EEF2KMT: variants seen among roughly 807,000 people sequenced by gnomAD.
The protein encoded by EEF2KMT is eukaryotic elongation factor 2 lysine methyltransferase, also known as protein-lysine N-methyltransferase EEF2KMT.
Under a neutral mutation model 35.1 loss-of-function variants are expected in EEF2KMT, and 30 were observed. That is an observed-to-expected ratio of 0.85 (90% CI 0.64 to 1.16). The LOEUF (loss-of-function observed/expected upper bound fraction) is 1.16, where lower values mean the gene tolerates loss of function less well. Ranked by LOEUF, EEF2KMT falls within the 50% of genes most tolerant of loss-of-function variation. The probability of loss-of-function intolerance (pLI) is 0.00; values close to 1 mark genes in which losing one functional copy is unlikely to be tolerated. For synonymous variants in EEF2KMT, 190 were observed against 187.7 expected, an observed-to-expected ratio of 1.01 and a Z score of -0.10; for missense variants, 499 against 438.2, an observed-to-expected ratio of 1.14 and a Z score of -1.24.
Position 5,091,892 on chromosome 16 carries a change from C to G in EEF2KMT, c.244G>C (p.Glu82Gln). The change falls in exon 4 of 8, where the codon GAG (glutamate) becomes CAG (glutamine). Residue 82 changes from glutamate (E) to glutamine (Q), a missense_variant. Coordinates refer to ENST00000427587, the MANE Select transcript of EEF2KMT (RefSeq NM_201400.4). ...TCCAAAGGCTCTGTGTGGACAGCCT[C>G]GTGCTGGGGGCAGACAGAGTGAGAG... is the stretch of plus-strand genomic sequence containing the variant. ...CFLSELIKKH[E>Q]AVHTEPLDEL... 1 of 1,611,810 alleles carries G rather than the reference C, an allele frequency of 6.2e-7. No individual in the cohort carries two copies. Among genetic ancestry groups the G allele is most frequent in the Non-Finnish European group, 8.5e-7 (1 of 1,179,718 alleles).
In EEF2KMT at chr16:5,090,088, T is replaced by C. The variant is rs763672650; in HGVS notation, c.738A>G (p.Ala246=). ...GTGCCCGGGGCTGGGCATTACCTGC[T>C]GCAATGACAACATCTGGCTGGAAGG... ...LSAFQPDVVI[A]ADVLYCPEAI... Residue 246 remains alanine (A), a synonymous_variant, in exon 6 of 8, where the codon GCA becomes GCG. Coordinates refer to ENST00000427587, the MANE Select transcript of EEF2KMT (RefSeq NM_201400.4). The surrounding 1 kb of genome is among the most constrained non-coding windows in gnomAD (Gnocchi z 4.1). 5 of 1,604,758 alleles carry C rather than the reference T, an allele frequency of 3.1e-6. No individual in the cohort carries two copies. The African/African-American group carries it at 6.7e-5, about 21-fold the overall frequency.
In EEF2KMT at chr16:5,090,712, A is replaced by C; in HGVS notation, c.343-147T>G. On this transcript the variant is annotated intron_variant, in intron 4 of 7. Coordinates refer to ENST00000427587, the MANE Select transcript of EEF2KMT (RefSeq NM_201400.4). The surrounding 1 kb of genome is among the most constrained non-coding windows in gnomAD (Gnocchi z 4.1). Reference sequence around the variant, plus strand: ...GAAGCAGCTAACTGTTGGCATGCCAACAGCTTTCACGGGCCTCAAGGGTGT... The same window carrying C: ...GAAGCAGCTAACTGTTGGCATGCCACCAGCTTTCACGGGCCTCAAGGGTGT... The C allele has an allele frequency of 2.7e-6, 3 of 1,117,630 alleles. No homozygotes were observed. The highest frequency in any genetic ancestry group is 3.8e-6 in the Non-Finnish European group (3 of 780,084). 69.2% of individuals were successfully genotyped at this position (1,117,630 alleles called of 1,614,324 possible). A position where few individuals can be genotyped will look rare whatever the true frequency, so the allele number is the denominator to read the frequency against.
intron 1 of EEF2KMT, among the ~76,000 whole-genome samples, chr16:5,095,887 C>T (rs1348516795): frequency 6.9e-6 from 1 of 144,320 alleles, no homozygotes; most frequent in Non-Finnish European, 1.5e-5. Context: ...ACATTATCCT[C>T]TTACAGGGGC....
intron 3 of EEF2KMT, 140 bp from the exon 4 acceptor site, chr16:5,092,035 C>T (rs1384050027): frequency 1.1e-5 from 16 of 1,487,586 alleles, no homozygotes; most frequent in Admixed American, 6.5e-5. Flanking sequence ...ATATTCACTT[C>T]GTTGGGCTTG....
chr16:5,084,857 G>T lies in EEF2KMT; in HGVS notation c.*775C>A. 6.3e-7 allele frequency: 1 copy of T among 1,596,396 alleles called. No individual in the cohort carries two copies. Among genetic ancestry groups the T allele is most frequent in the Non-Finnish European group, 8.5e-7 (1 of 1,179,768 alleles). ...GGGATGAGAGCTGGGTGCAGACTGT[G>T]CTCCCTTTGGTTATGGACACATAAC... On this transcript the variant is annotated 3_prime_UTR_variant, in exon 8 of 8. Transcript: ENST00000427587.
chr16:5,093,781 C>T (rs913134927), intron 2 of EEF2KMT, among the ~76,000 whole-genome samples: 6 of 152,246 alleles, frequency 3.9e-5, no homozygotes, highest in East Asian at 3.9e-4. Flanking sequence ...GCTATGGCAG[C>T]ATTTCTAACG....
chr16:5,093,095 CAG>C (rs890858164), intron 3 of EEF2KMT, among the ~76,000 whole-genome samples: 1 of 152,256 alleles, frequency 6.6e-6, no homozygotes, highest in Non-Finnish European at 1.5e-5. Context: ...AATCTTCCAA[CAG>C]GGGCCTGTGG....
rs537815117 is a variant in EEF2KMT at position 5,090,731 on chromosome 16, A to C, written c.343-166T>G. On this transcript the variant is annotated intron_variant, in intron 4 of 7. Transcript: ENST00000427587. The surrounding 1 kb of genome is among the most constrained non-coding windows in gnomAD (Gnocchi z 4.1). ...ATGCCAACAGCTTTCACGGGCCTCA[A>C]GGGTGTCACGCGGTGTGAAAGACAC... Among the ~76,000 whole-genome samples, 3 of 152,210 alleles carry C rather than the reference A, an allele frequency of 2.0e-5. No individual in the cohort carries two copies. Among genetic ancestry groups the C allele is most frequent in the Admixed American group, 6.5e-5 (1 of 15,284 alleles).
At chr16:5,095,405 G>C (rs771801692) in intron 2 of EEF2KMT, 47 bp downstream of exon 2, 1 of 1,610,294 alleles carries the variant, frequency 6.2e-7, no homozygotes, top group Non-Finnish European at 8.5e-7. Context: ...CTTCTGGAGA[G>C]ATTCAGGAGG....
At position 5,090,279 on chromosome 16, in the gene EEF2KMT, C is replaced by T. The variant is rs759994379; in HGVS notation, c.547G>A (p.Ala183Thr). ...LAICKMCRPR[A>T]YIFSDCHSRV... ...CTGTGACAGTCGCTGAAGATGTATGCCCGGGGGCGGCACATCTTGCAGATG... is the reference window on the plus strand; with the variant it reads ...CTGTGACAGTCGCTGAAGATGTATGTCCGGGGGCGGCACATCTTGCAGATG... Residue 183 changes from alanine (A) to threonine (T), a missense_variant, in exon 6 of 8, where the codon GCA (alanine) becomes ACA (threonine). Physicochemically the swap from Ala to Thr is moderately conservative, Grantham distance 58. Transcript: ENST00000427587. The surrounding 1 kb of genome is among the most constrained non-coding windows in gnomAD (Gnocchi z 4.1). 5 of 1,611,938 alleles carry T rather than the reference C, an allele frequency of 3.1e-6. No individual in the cohort carries two copies. The Admixed American group carries it at 8.3e-5, about 27-fold the overall frequency.
intron 7 of EEF2KMT, chr16:5,087,237 A>G (rs2142747494): frequency 6.6e-6 from 1 of 152,332 alleles, no homozygotes; most frequent in Middle Eastern, 3.4e-3. Context: ...ATCACAAAAA[A>G]ACCTCGTACT....
intron 2 of EEF2KMT, among the ~76,000 whole-genome samples, chr16:5,094,037 T>C (rs1297183202): frequency 6.6e-6 from 1 of 152,146 alleles, no homozygotes; most frequent in Non-Finnish European, 1.5e-5. Flanking sequence ...ATGAGCAAGT[T>C]CTAGGCAGTG....
In EEF2KMT at chr16:5,090,816, C is replaced by T. The variant is rs749966278; in HGVS notation, c.343-251G>A. Among the ~76,000 whole-genome samples the T allele has an allele frequency of 1.3e-4, 20 of 152,028 alleles. No homozygotes were observed. The highest frequency in any genetic ancestry group is 2.1e-4 in the South Asian group (1 of 4,810). On this transcript the variant is annotated intron_variant, in intron 4 of 7. Transcript: ENST00000427587. This position sits in a 1 kb window ranked among gnomAD's most constrained non-coding sequence, Gnocchi z 4.1. ...CCTTCCTGAGACAACGGAATTCTGGCGATGGAACACATGTCAGTGGTGGCC... is the reference window on the plus strand; with the variant it reads ...CCTTCCTGAGACAACGGAATTCTGGTGATGGAACACATGTCAGTGGTGGCC...
rs376340159 is a variant in EEF2KMT at position 5,089,066 on chromosome 16, G to A, written c.892+41C>T. The A allele has an allele frequency of 2.7e-5, 44 of 1,610,746 alleles. No homozygotes were observed. The South Asian group carries it at 4.6e-4, about 17-fold the overall frequency. On this transcript the variant is annotated intron_variant, in intron 7 of 7. Transcript: ENST00000427587. ...CTTCCACTGGCGTCCTGCAGGGACAGCTCAGGGACCATGCAGGCCCGGGTG... is the reference window on the plus strand; with the variant it reads ...CTTCCACTGGCGTCCTGCAGGGACAACTCAGGGACCATGCAGGCCCGGGTG...
At chr16:5,089,035 C>T (rs770110507) in intron 7 of EEF2KMT, 72 bp downstream of exon 7, 1 of 1,606,280 alleles carries the variant, frequency 6.2e-7, no homozygotes, top group African/African-American at 1.3e-5. Context: ...GCACCCAGTT[C>T]TTTCACTTCC....
At position 5,093,513 on chromosome 16, in the gene EEF2KMT, G is replaced by C. The variant is rs537216471; in HGVS notation, c.211C>G (p.Arg71Gly). The change falls in exon 3 of 8, where the codon CGG (arginine) becomes GGG (glycine). Residue 71 changes from arginine to glycine, a missense_variant. Physicochemically the swap from Arg to Gly is moderately radical, Grantham distance 125. Coordinates refer to ENST00000427587, the MANE Select transcript of EEF2KMT (RefSeq NM_201400.4). Reference protein sequence around the residue: ...VKHPPSVKYARCFLSELIKKH... With the variant: ...VKHPPSVKYAGCFLSELIKKH... ...TTGATGAGTTCTGAGAGAAAGCACCGGGCATATTTGACGGACGGCGGGTGC... is the reference window on the plus strand; with the variant it reads ...TTGATGAGTTCTGAGAGAAAGCACCCGGCATATTTGACGGACGGCGGGTGC... 4 of 1,610,758 alleles carry C rather than the reference G, an allele frequency of 2.5e-6. No homozygotes were observed. The East Asian group carries it at 8.9e-5, about 36-fold the overall frequency.
chr16:5,085,657 A>C lies in EEF2KMT; in HGVS notation c.968T>G (p.Met323Arg). 6.2e-7 allele frequency: 1 copy of C among 1,611,438 alleles called. No homozygotes were observed. The highest frequency in any genetic ancestry group is 8.5e-7 in the Non-Finnish European group (1 of 1,179,362). ...KLFPYEEHLE[M>R]AMLNLTL The stretch of plus-strand genomic sequence containing the variant: ...CTACAGGGTGAGATTCAGCATTGCC[A>C]TCTCCAAGTGCTCTTCGTAGGGAAA... The change falls in exon 8 of 8, where the codon ATG becomes AGG. Residue 323 changes from methionine to arginine, a missense_variant. Met to Arg is a moderately conservative substitution (Grantham distance 91). Coordinates refer to ENST00000427587, the MANE Select transcript of EEF2KMT (RefSeq NM_201400.4).
chr16:5,089,095 G>A lies in EEF2KMT; in HGVS notation c.892+12C>T, dbSNP rs1184076083. ...AGGGACCATGCAGGCCCGGGTGGGC[G>A]TGGAGGCTCACCTAGCTCGGTGGTG... is the stretch of plus-strand genomic sequence containing the variant. On this transcript the variant is annotated intron_variant, in intron 7 of 7. Transcript: ENST00000427587. The A allele has an allele frequency of 1.7e-5, 27 of 1,612,324 alleles. No homozygotes were observed. The highest frequency in any genetic ancestry group is 7.7e-5 in the South Asian group (7 of 91,028).
Position 5,097,708 on chromosome 16 carries a change from A to G in EEF2KMT, c.32T>C (p.Leu11Pro). Residue 11 changes from leucine (L) to proline (P), a missense_variant, in exon 1 of 8, where the codon CTC becomes CCC. Coordinates refer to ENST00000427587, the MANE Select transcript of EEF2KMT (RefSeq NM_201400.4). ...GCGGCGCTCGAAACTCTGCAGCAAG[A>G]GTTCGGTCCCCGCGTTCTCCTCGGG... is the stretch of plus-strand genomic sequence containing the variant. MAPEENAGTELLLQSFERRFL... is the reference protein window; with the variant it reads MAPEENAGTEPLLQSFERRFL... The G allele has an allele frequency of 1.3e-6, 2 of 1,578,004 alleles. No homozygotes were observed. Among genetic ancestry groups the G allele is most frequent in the Non-Finnish European group, 1.7e-6 (2 of 1,167,062 alleles).
Sources: allele counts gnomAD v4.1 joint callset (sites outside exome capture counted in the v4.1 genomes callset), GRCh38; gene constraint gnomAD v4.1.1; non-coding constraint Gnocchi (gnomAD v3.1); transcripts MANE v1.5; gene names NCBI Gene and HGNC (gene_info 2026-07-23, HGNC 2026-07-21).